Variants in RAB7A observed in about 807,000 individuals in gnomAD.
RAB7A encodes the protein ras-related protein Rab-7a.
Under a neutral mutation model 24.5 loss-of-function variants are expected in RAB7A, and 2 were observed. That is an observed-to-expected ratio of 0.08 (90% CI 0.03 to 0.26). The LOEUF is 0.26. RAB7A is among the 10% of genes least tolerant of loss of function. RAB7A has a pLI of 1.00. For missense variants in RAB7A, 118 were observed against 255.7 expected (o/e 0.46, Z 3.67); for synonymous variants, 100 against 95.9 (o/e 1.04, Z -0.25).
intron 5 of RAB7A, among the ~76,000 whole-genome samples, chr3:128,809,966 T>TTTTTTA (rs1933891688): frequency 8.7e-6 from 1 of 115,038 alleles, no homozygotes; most frequent in South Asian, 3.3e-4. Flanking sequence ...TTTTTTTTTT[T>TTTTTTA]GAGACGGAGT....
At chr3:128,786,580 G>C (rs977812191) in intron 1 of RAB7A, among the ~76,000 whole-genome samples, 1 of 152,154 alleles carries the variant, frequency 6.6e-6, no homozygotes, top group Non-Finnish European at 1.5e-5. Context: ...CATGTTCCGT[G>C]CTGGTGAAAG....
intron 1 of RAB7A, among the ~76,000 whole-genome samples, chr3:128,727,925 G>A (rs1209885636): frequency 6.6e-6 from 1 of 151,998 alleles, no homozygotes; most frequent in African/African-American, 2.4e-5. Context: ...TTAAAGCTTA[G>A]CGTTCACAAT....
intron 1 of RAB7A, among the ~76,000 whole-genome samples, chr3:128,734,156 A>C (rs2070466708): frequency 6.6e-6 from 1 of 152,094 alleles, no homozygotes; most frequent in East Asian, 1.9e-4. Flanking sequence ...TCGGCCAGGC[A>C]CAGTGGCTCA....
chr3:128,766,438 A>G (rs2107598757), intron 1 of RAB7A, among the ~76,000 whole-genome samples: 1 of 152,354 alleles, frequency 6.6e-6, no homozygotes, highest in East Asian at 1.9e-4. Flanking sequence ...AAGGCATAAA[A>G]TTGGACTAAA....
At chr3:128,795,749 TGC>T (rs1491524284) in intron 2 of RAB7A, among the ~76,000 whole-genome samples, 8 of 80,192 alleles carry the variant, frequency 1.0e-4, no homozygotes, top group Admixed American at 3.1e-4. Flanking sequence ...GTAGCAGATG[TGC>T]TTTTTTTTTT....
At chr3:128,740,058 C>T (rs746216430) in intron 1 of RAB7A, among the ~76,000 whole-genome samples, 14 of 149,104 alleles carry the variant, frequency 9.4e-5, no homozygotes, top group Admixed American at 2.7e-4. Flanking sequence ...AAGAGCGAAA[C>T]TCCATCTCAA....
At position 128,726,880 on chromosome 3, in the gene RAB7A, G is replaced by A. The variant is rs561129246; in HGVS notation, c.-9+521G>A. On this transcript the variant is annotated intron_variant, in intron 1 of 5. Transcript: ENST00000265062. ...GCAACTGAGTCAAGGCAGTGAGTCA[G>A]GTCACGTGCGCTGGGCTCGCCTCGA... Among the ~76,000 whole-genome samples, 16 of 152,370 alleles carry A rather than the reference G, an allele frequency of 1.1e-4. No individual in the cohort carries two copies. In the East Asian group the frequency reaches 3.1e-3, roughly 29 times the overall value.
rs189308487 is a variant in RAB7A, at chr3:128,741,556, A to G, written c.-9+15197A>G. 9.9e-5 allele frequency among the ~76,000 whole-genome samples: 15 copies of G among 151,818 alleles called. No individual in the cohort carries two copies. The East Asian group carries it at 2.5e-3, about 25-fold the overall frequency. On this transcript the variant is annotated intron_variant, in intron 1 of 5. Transcript: ENST00000265062. ...TTTTATTTTTATTTTAAATAGATTTATTTACGAAATAGAGATGGTGTCTCA... is the reference window on the plus strand; with the variant it reads ...TTTTATTTTTATTTTAAATAGATTTGTTTACGAAATAGAGATGGTGTCTCA...
intron 1 of RAB7A, among the ~76,000 whole-genome samples, chr3:128,753,796 C>T (rs1161480740): frequency 6.6e-6 from 1 of 152,004 alleles, no homozygotes; most frequent in Non-Finnish European, 1.5e-5. Context: ...CATGAAAGCC[C>T]CACCTCTTTA....
chr3:128,750,718 C>G (rs1392992980), intron 1 of RAB7A, among the ~76,000 whole-genome samples: 1 of 152,210 alleles, frequency 6.6e-6, no homozygotes, highest in African/African-American at 2.4e-5. Context: ...AGGAGAAATT[C>G]AAGCCCTTAC....
At chr3:128,797,865 T>A in intron 2 of RAB7A, 78 bp from the exon 3 acceptor site, 2 of 1,546,916 alleles carry the variant, frequency 1.3e-6, no homozygotes, top group Non-Finnish European at 1.8e-6. Context: ...GCAGATTCTT[T>A]TAAATGCTTC....
At chr3:128,772,875 G>A (rs573090153) in intron 1 of RAB7A, among the ~76,000 whole-genome samples, 2 of 152,380 alleles carry the variant, frequency 1.3e-5, no homozygotes, top group Admixed American at 1.3e-4. Flanking sequence ...TGCAGACGGA[G>A]TCTCGTTCAC....
chr3:128,781,999 C>T (rs548307888), intron 1 of RAB7A, among the ~76,000 whole-genome samples: 10 of 151,874 alleles, frequency 6.6e-5, no homozygotes, highest in Admixed American at 1.3e-4. Flanking sequence ...GGCGACAGAG[C>T]GAGACTCCAT....
intron 1 of RAB7A, among the ~76,000 whole-genome samples, chr3:128,753,091 G>C (rs2070702047): frequency 6.6e-6 from 1 of 152,126 alleles, no homozygotes; most frequent in Non-Finnish European, 1.5e-5. Context: ...ATCATCATCG[G>C]ATTTCTCTTC....
Position 128,764,647 on chromosome 3 carries a change from T to G in RAB7A, c.-8-30713T>G, listed in dbSNP as rs991277695. The stretch of plus-strand genomic sequence containing the variant: ...GTCACACAAATGGGGGTCATTTTTG[T>G]CAGTGGCTAGTTTGTGCAGTTCCAA... On this transcript the variant is annotated intron_variant, in intron 1 of 5. Transcript: ENST00000265062. 1.0e-5 allele frequency: 10 copies of G among 984,412 alleles called. No individual in the cohort carries two copies. In the Admixed American group the frequency reaches 1.5e-4, roughly 15 times the overall value. The allele number at this position is 984,412 out of a possible 1,614,324, so 61.0% of individuals were successfully genotyped here.
In RAB7A at chr3:128,743,785, T is replaced by A. The variant is rs2070580590; in HGVS notation, c.-9+17426T>A. On this transcript the variant is annotated intron_variant, in intron 1 of 5. Transcript: ENST00000265062. The stretch of plus-strand genomic sequence containing the variant: ...CTATTCAACATGACAAAATAATTTC[T>A]CTCTCTCTTTTTTTTTTTTTTTCTG... Among the ~76,000 whole-genome samples, 3 of 142,120 alleles carry A rather than the reference T, an allele frequency of 2.1e-5. No individual in the cohort carries two copies. In the South Asian group the frequency reaches 6.8e-4, roughly 32 times the overall value. The allele number at this position is 142,120 out of a possible 152,430, so 93.2% of individuals were successfully genotyped here.
Position 128,813,585 on chromosome 3 carries a change from T to TCA in RAB7A, c.*179_*180dup, listed in dbSNP as rs3830294. ...AACACAGTTACACCCCACATATCTCTCACACACACACACACACGCACACAC... is the reference window on the plus strand; with the variant it reads ...AACACAGTTACACCCCACATATCTCTCACACACACACACACACACGCACACAC... On this transcript the variant is annotated 3_prime_UTR_variant, in exon 6 of 6. Transcript: ENST00000265062. 3.4e-3 allele frequency: 2,117 copies of TCA among 628,322 alleles called. 4 individuals carry two copies. Among genetic ancestry groups the TCA allele is most frequent in the East Asian group, 0.019 (611 of 32,682 alleles). 38.9% of individuals were successfully genotyped at this position (628,322 alleles called of 1,614,324 possible).
rs771884963 is a variant in RAB7A, at chr3:128,759,795, C to T, written c.-9+33436C>T. On this transcript the variant is annotated intron_variant, in intron 1 of 5. Coordinates refer to ENST00000265062, the MANE Select transcript of RAB7A (RefSeq NM_004637.6). ...CGCAATCTTGGCTCACTGCAACCTC[C>T]GCTTCCTGGGTTCTAGCGACTTCTC... Among the ~76,000 whole-genome samples, 55 of 152,026 alleles carry T rather than the reference C, an allele frequency of 3.6e-4. 1 individual carries two copies. Among genetic ancestry groups the T allele is most frequent in the Admixed American group, 2.1e-3 (32 of 15,254 alleles).
rs1301670871 is a variant in RAB7A, at chr3:128,797,973, T to C, written c.84T>C (p.Tyr28=). 6.2e-7 allele frequency: 1 copy of C among 1,613,854 alleles called. No homozygotes were observed. Among genetic ancestry groups the C allele is most frequent in the Admixed American group, 1.7e-5 (1 of 60,024 alleles). The stretch of plus-strand genomic sequence containing the variant: ...GGAAGACATCACTCATGAACCAGTA[T>C]GTGAATAAGAAATTCAGCAATCAGT... ...GVGKTSLMNQ[Y]VNKKFSNQYK... The change falls in exon 3 of 6, where the codon TAT becomes TAC. Residue 28 remains tyrosine, a synonymous_variant. Transcript: ENST00000265062.
Sources: allele counts gnomAD v4.1 joint callset (sites outside exome capture counted in the v4.1 genomes callset), GRCh38; gene constraint gnomAD v4.1.1; transcripts MANE v1.5; gene names NCBI Gene and HGNC (gene_info 2026-07-23, HGNC 2026-07-21).